Variants in NXPE2 observed in about 807,000 individuals in gnomAD.
NXPE2 encodes the protein NXPE family member 2.
In NXPE2, 34 loss-of-function variants were observed where a neutral mutation model predicts 34.4. The ratio of observed to expected loss-of-function variants is 0.99; its 90% CI spans 0.75 to 1.31. The LOEUF is 1.31. Among genes scored for constraint, NXPE2 ranks in the 40% most tolerant of loss-of-function variants. The pLI, the probability that NXPE2 is intolerant of heterozygous loss-of-function variation, is 0.00. For synonymous variants in NXPE2, 235 were observed against 231.3 expected (o/e 1.02, Z -0.15); for missense variants, 649 against 672.5 (o/e 0.97, Z 0.39).
the NXPE2 span, chr11:114,583,192 TAAA>T: frequency 1.3e-6 from 1 of 794,244 alleles, no homozygotes; most frequent in Non-Finnish European, 2.0e-6. Flanking sequence ...AATTCTCCAA[TAAA>T]AAGGCATAGA....
chr11:114,618,502 A>G, the NXPE2 span, among the ~76,000 whole-genome samples: 1 of 151,918 alleles, frequency 6.6e-6, no homozygotes, highest in Admixed American at 6.6e-5. Flanking sequence ...CCTCGTAGGT[A>G]ACCACTGTTT....
chr11:114,776,833 C>T, the NXPE2 span, among the ~76,000 whole-genome samples: 1 of 152,290 alleles, frequency 6.6e-6, no homozygotes, highest in Non-Finnish European at 1.5e-5. Context: ...TGGTTCAGAG[C>T]ATTGTTAGTC....
the NXPE2 span, among the ~76,000 whole-genome samples, chr11:114,524,604 A>T: frequency 6.6e-6 from 1 of 152,128 alleles, no homozygotes; most frequent in Non-Finnish European, 1.5e-5. Context: ...ATAGCATTGC[A>T]CCCTAGATGA....
chr11:114,813,316 T>C, the NXPE2 span, among the ~76,000 whole-genome samples: 2 of 152,180 alleles, frequency 1.3e-5, no homozygotes, highest in South Asian at 2.1e-4. Context: ...AGCTTCCTCC[T>C]TGTAAATCAG....
At chr11:114,634,307 GTTGT>G in the NXPE2 span, among the ~76,000 whole-genome samples, 2 of 152,048 alleles carry the variant, frequency 1.3e-5, no homozygotes, top group Non-Finnish European at 2.9e-5. Flanking sequence ...TTTTGATAGA[GTTGT>G]TTGTTATTTT....
At chr11:114,536,113 T>C in the NXPE2 span, among the ~76,000 whole-genome samples, 1 of 152,046 alleles carries the variant, frequency 6.6e-6, no homozygotes, top group Non-Finnish European at 1.5e-5. Flanking sequence ...AAACTAGAAC[T>C]CAGGATTAAG....
At chr11:114,609,858 G>A in the NXPE2 span, among the ~76,000 whole-genome samples, 7 of 151,198 alleles carry the variant, frequency 4.6e-5, no homozygotes, top group East Asian at 2.0e-4. Flanking sequence ...CTATTGCCTC[G>A]CGGGTAACCA....
chr11:114,581,642 C>G, the NXPE2 span: 5 of 1,137,894 alleles, frequency 4.4e-6, no homozygotes, highest in Non-Finnish European at 6.5e-6. Flanking sequence ...AGGACTGAAA[C>G]AGTGAACAAA....
At chr11:114,594,911 C>T in the NXPE2 span, 24 of 561,070 alleles carry the variant, frequency 4.3e-5, no homozygotes, top group South Asian at 4.7e-4. Context: ...AAACCTTCAC[C>T]CCCGCAAGCT....
At chr11:114,596,380 G>T in the NXPE2 span, among the ~76,000 whole-genome samples, 2 of 152,200 alleles carry the variant, frequency 1.3e-5, no homozygotes, top group Non-Finnish European at 2.9e-5. Context: ...AGTAGCTGCT[G>T]GCCCTGTGGC....
the NXPE2 span, among the ~76,000 whole-genome samples, chr11:114,464,892 A>C: frequency 6.6e-6 from 1 of 152,218 alleles, no homozygotes; most frequent in East Asian, 1.9e-4. Flanking sequence ...TGAAGAAAGC[A>C]TGAGAACAAG....
the NXPE2 span, among the ~76,000 whole-genome samples, chr11:114,475,226 GTTTTTTTTTTTT>G: frequency 1.2e-4 from 11 of 88,056 alleles, no homozygotes; most frequent in Non-Finnish European, 1.8e-4. Flanking sequence ...AATGTGAACT[GTTTTTTTTTTTT>G]TTTTTTTTTT....
chr11:114,606,139 G>T, the NXPE2 span, among the ~76,000 whole-genome samples: 1 of 151,860 alleles, frequency 6.6e-6, no homozygotes, highest in Non-Finnish European at 1.5e-5. Context: ...TGTCTCTAGG[G>T]TAACCACTGT....
chr11:114,646,228 T>C, the NXPE2 span, among the ~76,000 whole-genome samples: 1 of 152,020 alleles, frequency 6.6e-6, no homozygotes, highest in African/African-American at 2.4e-5. Context: ...CTATGGAATT[T>C]CAGCAGATAG....
chr11:114,533,145 C>G, the NXPE2 span, among the ~76,000 whole-genome samples: 1 of 152,144 alleles, frequency 6.6e-6, no homozygotes, highest in African/African-American at 2.4e-5. Flanking sequence ...GAGAAACAGA[C>G]TTTTTTTCCC....
chr11:114,739,972 T>C, the NXPE2 span, among the ~76,000 whole-genome samples: 10 of 152,272 alleles, frequency 6.6e-5, no homozygotes, highest in Admixed American at 4.6e-4. Flanking sequence ...TCCTCTTTTA[T>C]CCATGGGGAT....
chr11:114,467,428 G>A, the NXPE2 span, among the ~76,000 whole-genome samples: 736 of 152,238 alleles, frequency 4.8e-3, 11 homozygotes, highest in South Asian at 0.012. Context: ...AAAATATCAA[G>A]GATAGAGGCC....
the NXPE2 span, among the ~76,000 whole-genome samples, chr11:114,786,930 G>A: frequency 6.6e-6 from 1 of 152,140 alleles, no homozygotes; most frequent in African/African-American, 2.4e-5. Context: ...TCTGGTCCAT[G>A]ACTTCCCTCC....
chr11:114,699,194 T>C (rs553670995), intron 3 of NXPE2, among the ~76,000 whole-genome samples: 7 of 152,296 alleles, frequency 4.6e-5, no homozygotes, highest in Non-Finnish European at 1.0e-4. Context: ...CATCAAGCTC[T>C]ATACATTATC....
Sources: gnomAD v4.1 joint callset for allele counts (sites outside exome capture counted in the v4.1 genomes callset) on GRCh38, gnomAD v4.1.1 for gene constraint, MANE v1.5 for transcripts, NCBI Gene and HGNC (gene_info 2026-07-23, HGNC 2026-07-21) for gene names.